The following MTMR7 variants were observed in gnomAD, a reference collection of about 807,000 sequenced individuals.
MTMR7 encodes myotubularin related protein 7.
Under a neutral mutation model 81.2 loss-of-function variants are expected in MTMR7, and 76 were observed. The observed-to-expected ratio is 0.94, with a 90% CI of 0.78 to 1.13. The LOEUF is 1.13. Among genes scored for constraint, MTMR7 ranks in the 50% most tolerant of loss-of-function variants. The pLI is 0.00. For synonymous variants in MTMR7, 372 were observed against 289.8 expected, an observed-to-expected ratio of 1.28 and a Z score of -2.88; for missense variants, 1,044 against 820.0, an observed-to-expected ratio of 1.27 and a Z score of -3.34.
intron 1 of MTMR7, among the ~76,000 whole-genome samples, chr8:17,408,027 G>C (rs1387904440): frequency 6.6e-6 from 1 of 152,136 alleles, no homozygotes; most frequent in African/African-American, 2.4e-5. Flanking sequence ...AATTCTGGCA[G>C]GGTTCTAAAA....
At chr8:17,317,859 T>C (rs144843359) in intron 7 of MTMR7, among the ~76,000 whole-genome samples, 1 of 152,212 alleles carries the variant, frequency 6.6e-6, no homozygotes, top group Non-Finnish European at 1.5e-5. Flanking sequence ...AGCTTTTATA[T>C]TTTTGTTTCC....
At chr8:17,340,314 A>G (rs956127676) in intron 6 of MTMR7, among the ~76,000 whole-genome samples, 2 of 152,248 alleles carry the variant, frequency 1.3e-5, no homozygotes, top group Non-Finnish European at 2.9e-5. Flanking sequence ...CTAACAGGAC[A>G]TCCTGGACTC....
chr8:17,343,117 C>T (rs1418449571), intron 5 of MTMR7, among the ~76,000 whole-genome samples: 1 of 152,168 alleles, frequency 6.6e-6, no homozygotes, highest in Non-Finnish European at 1.5e-5. Flanking sequence ...TTAGATGATA[C>T]TTTATCCGGG....
chr8:17,300,367 G>T (rs1445499704), intron 13 of MTMR7, 143 bp from the exon 14 acceptor site: 2 of 886,892 alleles, frequency 2.3e-6, no homozygotes, highest in Non-Finnish European at 1.7e-6. Context: ...TTCAAACCTG[G>T]ACTTCACGAC....
intron 3 of MTMR7, among the ~76,000 whole-genome samples, chr8:17,367,076 C>G (rs999949203): frequency 6.6e-6 from 1 of 151,982 alleles, no homozygotes; most frequent in African/African-American, 2.4e-5. Context: ...GGCTGCTACG[C>G]TCTGATAAAA....
chr8:17,306,077 T>C (rs1286989987), intron 10 of MTMR7, 120 bp from the exon 11 acceptor site: 1 of 779,870 alleles, frequency 1.3e-6, no homozygotes, highest in Non-Finnish European at 2.0e-6. Flanking sequence ...TCTTACAAAC[T>C]TGGAATGACA....
chr8:17,305,990 C>T (rs1397930575), intron 10 of MTMR7, 33 bp from the exon 11 acceptor site: 2 of 1,534,578 alleles, frequency 1.3e-6, no homozygotes, highest in African/African-American at 1.4e-5. Context: ...CTTTTTAAGG[C>T]AGATTTATTT....
chr8:17,392,040 G>A (rs1420209615), intron 1 of MTMR7, among the ~76,000 whole-genome samples: 1 of 152,058 alleles, frequency 6.6e-6, no homozygotes, highest in Non-Finnish European at 1.5e-5. Context: ...GACTCCCTCT[G>A]AGTGCAGTAT....
chr8:17,308,018 C>T (rs1817571222), intron 10 of MTMR7, among the ~76,000 whole-genome samples: 1 of 150,374 alleles, frequency 6.7e-6, no homozygotes, highest in Non-Finnish European at 1.5e-5. Flanking sequence ...GCACATGTAC[C>T]CTAAAACAAA....
intron 12 of MTMR7, among the ~76,000 whole-genome samples, chr8:17,303,170 A>C (rs961726421): frequency 2.6e-5 from 4 of 152,202 alleles, no homozygotes; most frequent in African/African-American, 9.6e-5. Context: ...TGCAGTGCCC[A>C]GAACAGTGTT....
intron 6 of MTMR7, among the ~76,000 whole-genome samples, chr8:17,336,406 G>A (rs907357879): frequency 1.3e-5 from 2 of 152,188 alleles, no homozygotes; most frequent in Middle Eastern, 3.4e-3. Flanking sequence ...ACTGGACACT[G>A]CCCTCGCCCC....
chr8:17,305,354 G>C lies in MTMR7; in HGVS notation c.1352+403C>G, dbSNP rs190293536. The stretch of plus-strand genomic sequence containing the variant: ...TTTTACCCTTGGATAAATCAATACA[G>C]TTTTAATCTGAATAAATTCTGGCTT... On this transcript the variant is annotated intron_variant, in intron 11 of 13. Transcript: ENST00000180173. Among the ~76,000 whole-genome samples the C allele has an allele frequency of 2.8e-3, 433 of 152,250 alleles. 3 individuals carry two copies. Among genetic ancestry groups the C allele is most frequent in the African/African-American group, 0.01 (418 of 41,552 alleles).
At chr8:17,401,415 G>C (rs1181018991) in intron 1 of MTMR7, among the ~76,000 whole-genome samples, 1 of 152,004 alleles carries the variant, frequency 6.6e-6, no homozygotes, top group African/African-American at 2.4e-5. Flanking sequence ...ACAGGGAGTG[G>C]GGTAGTTGTG....
intron 3 of MTMR7, among the ~76,000 whole-genome samples, chr8:17,364,143 C>A (rs1333207573): frequency 6.6e-6 from 1 of 150,630 alleles, no homozygotes; most frequent in African/African-American, 2.4e-5. Context: ...CATTCTCCTG[C>A]CTCAGCCTCC....
rs1424514958 is a variant in MTMR7, at chr8:17,373,107, A to C, written c.147+11T>G. 2.5e-6 allele frequency: 4 copies of C among 1,610,384 alleles called. No individual in the cohort carries two copies. The South Asian group carries it at 4.4e-5, about 18-fold the overall frequency. On this transcript the variant is annotated intron_variant, in intron 2 of 13. Coordinates refer to ENST00000180173, the MANE Select transcript of MTMR7 (RefSeq NM_004686.5). The stretch of plus-strand genomic sequence containing the variant: ...GCAAAACAAGGAAAGCTAAAAATAA[A>C]GAAAGCATACCCATGTTTCTTTTCT...
intron 5 of MTMR7, among the ~76,000 whole-genome samples, chr8:17,347,000 G>C (rs1197534665): frequency 6.7e-6 from 1 of 150,090 alleles, no homozygotes; most frequent in African/African-American, 2.4e-5. Flanking sequence ...CTCAAGACCA[G>C]CCTGGGCAAC....
intron 7 of MTMR7, among the ~76,000 whole-genome samples, chr8:17,320,096 G>A (rs1368051739): frequency 6.6e-6 from 1 of 151,696 alleles, no homozygotes; most frequent in African/African-American, 2.4e-5. Flanking sequence ...GGGATAGACG[G>A]GGTTAAATAA....
At chr8:17,354,739 C>T (rs1819834309) in intron 4 of MTMR7, among the ~76,000 whole-genome samples, 1 of 152,188 alleles carries the variant, frequency 6.6e-6, no homozygotes, top group Admixed American at 6.5e-5. Flanking sequence ...AACGTTTTCT[C>T]AGCCATGGGG....
At chr8:17,361,054 G>C (rs1207233602) in intron 4 of MTMR7, 63 bp downstream of exon 4, 2 of 1,562,596 alleles carry the variant, frequency 1.3e-6, no homozygotes, top group Admixed American at 1.7e-5. Context: ...AAAATAAAGG[G>C]ATGCTAAGCT....
Sources: gnomAD v4.1 joint callset for allele counts (sites outside exome capture counted in the v4.1 genomes callset) on GRCh38, gnomAD v4.1.1 for gene constraint, MANE v1.5 for transcripts, NCBI Gene and HGNC (gene_info 2026-07-23, HGNC 2026-07-21) for gene names.